Variants in HYDIN observed in about 807,000 individuals in gnomAD.
The protein encoded by HYDIN is HYDIN axonemal central pair apparatus protein.
In HYDIN, 132 loss-of-function variants were observed where a neutral mutation model predicts 403.9. That is an observed-to-expected ratio of 0.33 (90% confidence interval 0.28 to 0.38). The LOEUF is 0.38. HYDIN is among the 10% of genes least tolerant of loss of function. The pLI is 1.00. For synonymous variants in HYDIN, 1,202 were observed against 1,891.7 expected (o/e 0.64, Z 9.46); for missense variants, 2,827 against 5,009.5 (o/e 0.56, Z 13.15).
At chr16:70,995,498 C>G (rs1397437114) in intron 23 of HYDIN, among the ~76,000 whole-genome samples, 5 of 152,094 alleles carry the variant, frequency 3.3e-5, no homozygotes, top group Non-Finnish European at 7.4e-5. Context: ...ATTTTCAACT[C>G]TTGGGGAAGG....
At chr16:71,201,734 C>A (rs1452455948) in intron 1 of HYDIN, among the ~76,000 whole-genome samples, 1 of 152,238 alleles carries the variant, frequency 6.6e-6, no homozygotes, top group African/African-American at 2.4e-5. Context: ...ACAGCAGTGC[C>A]AACAGACTGA....
chr16:70,944,667 C>T (rs571562937), intron 41 of HYDIN, among the ~76,000 whole-genome samples: 5 of 152,068 alleles, frequency 3.3e-5, no homozygotes, highest in Non-Finnish European at 5.9e-5. Context: ...GCCTTGTAGC[C>T]CATGGTCAGC....
chr16:70,877,985 T>C (rs1320138599), intron 62 of HYDIN, among the ~76,000 whole-genome samples: 1 of 152,062 alleles, frequency 6.6e-6, no homozygotes, highest in Non-Finnish European at 1.5e-5. Flanking sequence ...TGAAGAGTAT[T>C]CTTCAGTTGG....
chr16:70,841,431 C>T (rs1253688682), intron 75 of HYDIN, among the ~76,000 whole-genome samples: 1 of 152,064 alleles, frequency 6.6e-6, no homozygotes, highest in African/African-American at 2.4e-5. Context: ...AAGATGGCTG[C>T]AACTTTGCTG....
At chr16:71,065,743 T>C (rs376541270) in intron 15 of HYDIN, among the ~76,000 whole-genome samples, 1 of 152,150 alleles carries the variant, frequency 6.6e-6, no homozygotes, top group African/African-American at 2.4e-5. Flanking sequence ...TGGAAGGGCA[T>C]AGCCCAGCAC....
chr16:71,182,554 A>G (rs1406007082), intron 3 of HYDIN, among the ~76,000 whole-genome samples: 1 of 152,108 alleles, frequency 6.6e-6, no homozygotes, highest in Non-Finnish European at 1.5e-5. Flanking sequence ...AGGAAAACAT[A>G]TAAGTGGGGG....
intron 18 of HYDIN, among the ~76,000 whole-genome samples, chr16:71,035,877 G>C (rs945190679): frequency 6.6e-6 from 1 of 152,006 alleles, no homozygotes; most frequent in Non-Finnish European, 1.5e-5. Flanking sequence ...AAAGAGAAAG[G>C]AGGGTTGTGT....
At chr16:71,022,228 C>G (rs1208274244) in intron 21 of HYDIN, among the ~76,000 whole-genome samples, 1 of 152,054 alleles carries the variant, frequency 6.6e-6, no homozygotes, top group African/African-American at 2.4e-5. Flanking sequence ...GGCAAGAGGC[C>G]ATTTAGAGGC....
intron 53 of HYDIN, among the ~76,000 whole-genome samples, chr16:70,896,911 TG>T (rs1219889722): frequency 1.4e-5 from 2 of 139,262 alleles, no homozygotes; most frequent in Non-Finnish European, 3.1e-5. Context: ...TTGTCATGCC[TG>T]GGGATGGTCC....
chr16:71,046,876 CT>C (rs1295138255), intron 18 of HYDIN, among the ~76,000 whole-genome samples: 1 of 152,050 alleles, frequency 6.6e-6, no homozygotes, highest in African/African-American at 2.4e-5. Context: ...AGAGTCAATG[CT>C]TTAGTTGATA....
chr16:71,224,559 CTTT>C (rs34595246), intron 1 of HYDIN, among the ~76,000 whole-genome samples: 2 of 117,380 alleles, frequency 1.7e-5, no homozygotes, highest in Admixed American at 8.7e-5. Context: ...TAAGGTTTTT[CTTT>C]TTTTTTTTTT....
chr16:70,871,703 C>T (rs1414760512), intron 65 of HYDIN, among the ~76,000 whole-genome samples: 1 of 144,164 alleles, frequency 6.9e-6, no homozygotes, highest in African/African-American at 2.6e-5. Context: ...AGGACTGATA[C>T]TCTAAAGGAC....
intron 23 of HYDIN, among the ~76,000 whole-genome samples, chr16:71,003,551 G>C (rs2079791683): frequency 6.6e-6 from 1 of 151,856 alleles, no homozygotes; most frequent in Non-Finnish European, 1.5e-5. Flanking sequence ...AGCAATCCCA[G>C]AACTTTGGGA....
At chr16:71,020,138 C>T in intron 22 of HYDIN, 36 bp downstream of exon 22, 1 of 1,609,174 alleles carries the variant, frequency 6.2e-7, no homozygotes, top group Non-Finnish European at 8.5e-7. Context: ...CGCCCCACCC[C>T]AGACAGCTTG....
intron 41 of HYDIN, among the ~76,000 whole-genome samples, chr16:70,946,524 C>A (rs2077866802): frequency 6.6e-6 from 1 of 151,994 alleles, no homozygotes; most frequent in Admixed American, 6.5e-5. Context: ...ATTAGGTTTG[C>A]CAGGGTTGAA....
At chr16:71,222,190 G>A (rs2040834495) in intron 1 of HYDIN, among the ~76,000 whole-genome samples, 1 of 151,942 alleles carries the variant, frequency 6.6e-6, no homozygotes, top group Admixed American at 6.6e-5. Context: ...ATATACACAA[G>A]TCAATAAATG....
At chr16:70,875,863 T>C (rs1468066316) in intron 62 of HYDIN, among the ~76,000 whole-genome samples, 1 of 151,948 alleles carries the variant, frequency 6.6e-6, no homozygotes. Flanking sequence ...TTAAGAAAAA[T>C]GGCAAAAACA....
At chr16:71,026,561 T>C (rs1290373578) in intron 20 of HYDIN, among the ~76,000 whole-genome samples, 2 of 152,080 alleles carry the variant, frequency 1.3e-5, no homozygotes, top group African/African-American at 4.8e-5. Flanking sequence ...TGTGTTCTAT[T>C]CATCTTTACA....
chr16:71,202,884 C>T (rs903400134), intron 1 of HYDIN, among the ~76,000 whole-genome samples: 2 of 152,152 alleles, frequency 1.3e-5, no homozygotes, highest in Non-Finnish European at 2.9e-5. Context: ...ACTGCCCTCT[C>T]CAGAGAGGTA....
Sources: gnomAD v4.1 joint callset for allele counts (sites outside exome capture counted in the v4.1 genomes callset) on GRCh38, gnomAD v4.1.1 for gene constraint, MANE v1.5 for transcripts, NCBI Gene and HGNC (gene_info 2026-07-23, HGNC 2026-07-21) for gene names.